The following ABCA7 variants were observed in gnomAD, a reference collection of about 807,000 sequenced individuals.
ABCA7 encodes the protein ATP binding cassette subfamily A member 7, also known as phospholipid-transporting ATPase ABCA7.
A neutral mutation model predicts 227.6 loss-of-function variants in ABCA7; 261 were observed. The ratio of observed to expected loss-of-function variants is 1.15; its 90% confidence interval spans 1.04 to 1.27. The LOEUF is 1.27. ABCA7 is among the 50% of genes most tolerant of loss of function. The pLI, the probability that ABCA7 is intolerant of heterozygous loss-of-function variation, is 0.00. For synonymous variants in ABCA7, 1,488 were observed against 1,279.7 expected (o/e 1.16, Z -3.47); for missense variants, 3,331 against 2,924.5 (o/e 1.14, Z -3.21).
rs574184010 is a variant in ABCA7, at chr19:1,056,426, C to T, written c.4513C>T (p.Arg1505Cys). 1.6e-4 allele frequency: 266 copies of T among 1,613,614 alleles called. 2 individuals carry two copies. In the South Asian group the frequency reaches 2.3e-3, roughly 14 times the overall value. Residue 1505 changes from arginine to cysteine, a missense_variant, in exon 33 of 47, where the codon CGC (arginine) becomes TGC (cysteine). By Grantham distance (180) the Arg-to-Cys change is radical. Coordinates refer to ENST00000263094, the MANE Select transcript of ABCA7 (RefSeq NM_019112.4). This position sits in a 1 kb window ranked among gnomAD's most constrained non-coding sequence, Gnocchi z 4.3. ...LRAHLPPGPARHAHSITTLNH... is the reference protein window; with the variant it reads ...LRAHLPPGPACHAHSITTLNH... ...TGCTCACCTGCCCCCAGGCCCGGCCCGCCACGCCCACAGCATCACCACACT... is the reference window on the plus strand; with the variant it reads ...TGCTCACCTGCCCCCAGGCCCGGCCTGCCACGCCCACAGCATCACCACACT...
At chr19:1,049,979 G>A (rs1334473094) in intron 18 of ABCA7, among the ~76,000 whole-genome samples, 7 of 37,232 alleles carry the variant, frequency 1.9e-4, no homozygotes, top group Non-Finnish European at 2.2e-4. Context: ...CCTGTGAGCC[G>A]CCCAAACCAC....
intron 45 of ABCA7, 45 bp from the exon 46 acceptor site, chr19:1,064,886 C>G (rs985479362): frequency 1.3e-6 from 2 of 1,535,470 alleles, no homozygotes; most frequent in African/African-American, 2.8e-5. Flanking sequence ...TGAGGTGGGA[C>G]CTGGGAAAGG....
Position 1,049,293 on chromosome 19 carries a change from T to G in ABCA7, c.2408T>G (p.Leu803Arg), listed in dbSNP as rs554912771. The G allele has an allele frequency of 8.7e-5, 140 of 1,609,952 alleles. No individual in the cohort carries two copies. In the African/African-American group the frequency reaches 1.6e-3, roughly 19 times the overall value. Residue 803 changes from leucine (L) to arginine (R), a missense_variant, in exon 18 of 47, where the codon CTG becomes CGG. Transcript: ENST00000263094. ...KVLVEEAPPG[L>R]SPGVSVRSLE... ...CTGGTAGAAGAGGCACCGCCCGGCC[T>G]GAGTCCTGGCGTCTCCGTTCGCAGC...
rs918268722 is a variant in ABCA7 at position 1,046,221 on chromosome 19, C to T, written c.1446-9C>T. On this transcript the variant is annotated splice_polypyrimidine_tract_variant and intron_variant, in intron 12 of 46. Transcript: ENST00000263094. Reference sequence around the variant, plus strand: ...TTCCCTACAACCGGCCACCATGCCCCTCTCGCAGGTTTTGGGACCCTGGCC... The same window carrying T: ...TTCCCTACAACCGGCCACCATGCCCTTCTCGCAGGTTTTGGGACCCTGGCC... 1 of 1,605,808 alleles carries T rather than the reference C, an allele frequency of 6.2e-7. No homozygotes were observed. Among genetic ancestry groups the T allele is most frequent in the Admixed American group, 1.7e-5 (1 of 59,870 alleles).
In ABCA7 at chr19:1,054,075, C is replaced by T. The variant is rs142601420; in HGVS notation, c.3542C>T (p.Pro1181Leu). Residue 1181 changes from proline to leucine, a missense_variant, in exon 26 of 47, where the codon CCG (proline) becomes CTG (leucine). Physicochemically the swap from Pro to Leu is moderately conservative, Grantham distance 98. Transcript: ENST00000263094. This position sits in a 1 kb window ranked among gnomAD's most constrained non-coding sequence, Gnocchi z 4.8. The stretch of plus-strand genomic sequence containing the variant: ...GACGTAACCCTACGGCTCAAGATGC[C>T]GCCACAGGAGACAGCGCTGGAGAAC... ...GLDVTLRLKM[P>L]PQETALENGE... 194 of 1,613,292 alleles carry T rather than the reference C, an allele frequency of 1.2e-4. No homozygotes were observed. Among genetic ancestry groups the T allele is most frequent in the Admixed American group, 4.3e-4 (26 of 60,008 alleles).
Position 1,042,005 on chromosome 19 carries a change from C to G in ABCA7, c.302+33C>G, listed in dbSNP as rs1347491483. 4 of 1,577,146 alleles carry G rather than the reference C, an allele frequency of 2.5e-6. No individual in the cohort carries two copies. The African/African-American group carries it at 5.4e-5, about 21-fold the overall frequency. Reference sequence around the variant, plus strand: ...AGAGGCAGTGGGTGCGGCCGGCCTGCAAACTCGGGGCTGCAGTGCCGGCCG... The same window carrying G: ...AGAGGCAGTGGGTGCGGCCGGCCTGGAAACTCGGGGCTGCAGTGCCGGCCG... On this transcript the variant is annotated intron_variant, in intron 4 of 46. Coordinates refer to ENST00000263094, the MANE Select transcript of ABCA7 (RefSeq NM_019112.4).
chr19:1,045,662 C>G (rs1207493957), intron 12 of ABCA7: 1 of 176,136 alleles, frequency 5.7e-6, no homozygotes, highest in Non-Finnish European at 1.2e-5. Context: ...ACCGCCTCCC[C>G]CCCGCCCCCC....
Position 1,058,696 on chromosome 19 carries a change from T to C in ABCA7, c.5228T>C (p.Leu1743Pro). Residue 1743 changes from leucine to proline, a missense_variant, in exon 38 of 47, where the codon CTC (leucine) becomes CCC (proline). Physicochemically the swap from Leu to Pro is moderately conservative, Grantham distance 98. Coordinates refer to ENST00000263094, the MANE Select transcript of ABCA7 (RefSeq NM_019112.4). The part of the protein sequence containing the change: ...NLLAMVIQGP[L>P]FLLFTLLLQH... ...TTGGCCATGGTGATACAGGGGCCCC[T>C]CTTCCTTCTCTTCACACTACTGCTG... 6.2e-7 allele frequency: 1 copy of C among 1,614,000 alleles called. No individual in the cohort carries two copies. The highest frequency in any genetic ancestry group is 8.5e-7 in the Non-Finnish European group (1 of 1,180,000).
Position 1,065,075 on chromosome 19 carries a change from G to T in ABCA7, c.6189G>T (p.Gly2063=). The T allele has an allele frequency of 6.4e-7, 1 of 1,568,134 alleles. No homozygotes were observed. The highest frequency in any genetic ancestry group is 8.6e-7 in the Non-Finnish European group (1 of 1,158,058). ...GRLRFQLPPG[G]RCALARVFGE... is the part of the protein sequence containing the mutation. ...TGCGCTTCCAGCTGCCGCCGGGAGG[G>T]CGCTGCGCCCTGGCGCGCGTCTTTG... is the stretch of plus-strand genomic sequence containing the variant. Residue 2063 remains glycine (G), a synonymous_variant, in exon 46 of 47, where the codon GGG becomes GGT. Coordinates refer to ENST00000263094, the MANE Select transcript of ABCA7 (RefSeq NM_019112.4).
Position 1,045,211 on chromosome 19 carries a change from G to A in ABCA7, c.1425G>A (p.Arg475=), listed in dbSNP as rs754834595. Residue 475 remains arginine (R), a synonymous_variant, in exon 12 of 47, where the codon AGG becomes AGA. Coordinates refer to ENST00000263094, the MANE Select transcript of ABCA7 (RefSeq NM_019112.4). ...KIRMDIDVVT[R]TNKIRDRFWD... ...GCATGGACATTGACGTGGTCACGAG[G>A]ACCAATAAGATCAGGGACAGGTCAG... The A allele has an allele frequency of 8.4e-6, 13 of 1,555,604 alleles. No individual in the cohort carries two copies. The South Asian group carries it at 1.0e-4, about 12-fold the overall frequency.
In ABCA7 at chr19:1,047,507, G is replaced by C. The variant is rs781333035; in HGVS notation, c.2122G>C (p.Glu708Gln). ...GFGCESLALLEEQGEGAQWHN... is the reference protein window; with the variant it reads ...GFGCESLALLQEQGEGAQWHN... ...CGGCTGCGAGAGCCTGGCTCTGCTG[G>C]AGGAGCAGGGCGAGGGCGCGCAGTG... Residue 708 changes from glutamate to glutamine, a missense_variant, in exon 16 of 47, where the codon GAG becomes CAG. Glu to Gln is a conservative substitution (Grantham distance 29, BLOSUM62 2). Transcript: ENST00000263094. The C allele has an allele frequency of 1.3e-6, 2 of 1,584,336 alleles. No homozygotes were observed. The highest frequency in any genetic ancestry group is 1.1e-5 in the South Asian group (1 of 88,884).
At chr19:1,061,213 A>T (rs1266534011) in intron 40 of ABCA7, among the ~76,000 whole-genome samples, 1 of 151,902 alleles carries the variant, frequency 6.6e-6, no homozygotes, top group East Asian at 1.9e-4. Flanking sequence ...CCTGGCCAAC[A>T]TGCCAAAACC....
At position 1,051,062 on chromosome 19, in the gene ABCA7, G is replaced by A. The variant is rs752184358; in HGVS notation, c.2684+10G>A. ...ACGTGCTGTTTGACATGTGCGTCTC[G>A]GCAGGCCCAGAGTGCAGCGGTGGGA... On this transcript the variant is annotated intron_variant, in intron 19 of 46. Coordinates refer to ENST00000263094, the MANE Select transcript of ABCA7 (RefSeq NM_019112.4). 3.1e-6 allele frequency: 5 copies of A among 1,610,398 alleles called. No individual in the cohort carries two copies. The highest frequency in any genetic ancestry group is 3.3e-5 in the Admixed American group (2 of 59,880).
At position 1,065,436 on chromosome 19, in the gene ABCA7, C is replaced by G; in HGVS notation, c.*11C>G. 1.2e-6 allele frequency: 2 copies of G among 1,612,548 alleles called. No individual in the cohort carries two copies. Among genetic ancestry groups the G allele is most frequent in the South Asian group, 1.1e-5 (1 of 91,052 alleles). On this transcript the variant is annotated 3_prime_UTR_variant, in exon 47 of 47. Transcript: ENST00000263094. ...GAGACTGTGCTCTGAGCCTCCCTCC[C>G]CTGCGGGGCCGCGGGGAGGCCCTGG...
rs766142894 is a variant in ABCA7 at position 1,044,684 on chromosome 19, C to G, written c.1155C>G (p.Ser385Arg). The change falls in exon 11 of 47, where the codon AGC becomes AGG. Residue 385 changes from serine to arginine, a missense_variant. Transcript: ENST00000263094. ...TGGACCCTGGGAGCGGTGGCTACAG[C>G]TGGCAGGACGCACACGCTGATGTGG... ...SFLDPGSGGY[S>R]WQDAHADVGH... 3.7e-6 allele frequency: 6 copies of G among 1,612,784 alleles called. No homozygotes were observed. The Admixed American group carries it at 1.0e-4, about 27-fold the overall frequency.
chr19:1,054,255 T>C lies in ABCA7; in HGVS notation c.3640T>C (p.Trp1214Arg). 2 of 1,609,072 alleles carry C rather than the reference T, an allele frequency of 1.2e-6. No homozygotes were observed. Among genetic ancestry groups the C allele is most frequent in the East Asian group, 2.2e-5 (1 of 44,820 alleles). ...GPDAVGRVQG[W>R]ALTRQQLQAL... Reference sequence around the variant, plus strand: ...AGACGCCGTGGGCCGGGTACAGGGCTGGGCACTGACCCGCCAGCAGCTCCA... The same window carrying C: ...AGACGCCGTGGGCCGGGTACAGGGCCGGGCACTGACCCGCCAGCAGCTCCA... Residue 1214 changes from tryptophan (W) to arginine (R), a missense_variant, in exon 27 of 47, where the codon TGG becomes CGG. Coordinates refer to ENST00000263094, the MANE Select transcript of ABCA7 (RefSeq NM_019112.4). This position sits in a 1 kb window ranked among gnomAD's most constrained non-coding sequence, Gnocchi z 4.8.
chr19:1,043,326 C>T lies in ABCA7; in HGVS notation c.791-8C>T. Reference sequence around the variant, plus strand: ...GGGGGGCAGGGCCTCATGGCACCCCCATCCCAGGCCCCGCCTGCTCGGAGC... The same window carrying T: ...GGGGGGCAGGGCCTCATGGCACCCCTATCCCAGGCCCCGCCTGCTCGGAGC... On this transcript the variant is annotated splice_region_variant and splice_polypyrimidine_tract_variant and intron_variant, in intron 8 of 46. Transcript: ENST00000263094. 2 of 1,612,992 alleles carry T rather than the reference C, an allele frequency of 1.2e-6. No individual in the cohort carries two copies. Among genetic ancestry groups the T allele is most frequent in the Non-Finnish European group, 1.7e-6 (2 of 1,179,922 alleles).
chr19:1,062,005 C>A, intron 41 of ABCA7, 117 bp downstream of exon 41: 2 of 1,413,768 alleles, frequency 1.4e-6, no homozygotes, highest in Non-Finnish European at 1.9e-6. Flanking sequence ...CCTGCATGGT[C>A]TCTGAGACCC....
Position 1,058,859 on chromosome 19 carries a change from C to T in ABCA7, c.5319C>T (p.Asp1773=), listed in dbSNP as rs201041855. Residue 1773 remains aspartate, a synonymous_variant, in exon 39 of 47, where the codon GAC becomes GAT. Transcript: ENST00000263094. ...CTCTGCCACTCCTGGGAGAGGAGGA[C>T]GAGGATGTAGCCCGTGAACGGGAGC... ...VRSLPLLGEE[D]EDVARERERV... 3.6e-5 allele frequency: 56 copies of T among 1,577,022 alleles called. No homozygotes were observed. In the East Asian group the frequency reaches 5.4e-4, roughly 15 times the overall value.
Sources: gnomAD v4.1 joint callset for allele counts (sites outside exome capture counted in the v4.1 genomes callset) on GRCh38, gnomAD v4.1.1 for gene constraint, Gnocchi (gnomAD v3.1) non-coding constraint, MANE v1.5 for transcripts, NCBI Gene and HGNC (gene_info 2026-07-23, HGNC 2026-07-21) for gene names.